Variants in PACSIN1 observed in about 807,000 individuals in gnomAD.
PACSIN1 encodes protein kinase C and casein kinase substrate in neurons 1, also known as protein kinase C and casein kinase substrate in neurons protein 1.
In PACSIN1, 15 loss-of-function variants were observed where a neutral mutation model predicts 59.5. That is an observed-to-expected ratio of 0.25 (90% CI 0.17 to 0.39). PACSIN1 has a LOEUF of 0.39. Among genes scored for constraint, PACSIN1 ranks in the 10% least tolerant of loss-of-function variants. The pLI is 1.00. For synonymous variants in PACSIN1, 210 were observed against 220.6 expected (o/e 0.95, Z 0.42); for missense variants, 420 against 580.2 (o/e 0.72, Z 2.84).
At chr6:34,520,289 G>A (rs1581981950) in intron 1 of PACSIN1, among the ~76,000 whole-genome samples, 1 of 152,218 alleles carries the variant, frequency 6.6e-6, no homozygotes, top group Non-Finnish European at 1.5e-5. Context: ...TGGGTAAGGC[G>A]AGGAGTGGGT....
In PACSIN1 at chr6:34,532,361, C is replaced by G; in HGVS notation, c.1226-60C>G. The G allele has an allele frequency of 8.8e-7, 1 of 1,133,784 alleles. No homozygotes were observed. The highest frequency in any genetic ancestry group is 1.3e-6 in the Non-Finnish European group (1 of 769,368). The allele number at this position is 1,133,784 out of a possible 1,614,324, so 70.2% of individuals were successfully genotyped here. ...GGTATTGGAGGGTTCCCCTAGCAGC[C>G]GGTGCGTTGAGGGAGGGGCAGCCTT... On this transcript the variant is annotated intron_variant, in intron 9 of 9. Coordinates refer to ENST00000244458, the MANE Select transcript of PACSIN1 (RefSeq NM_020804.5). The surrounding 1 kb of genome is among the most constrained non-coding windows in gnomAD (Gnocchi z 5.2).
rs781440436 is a variant in PACSIN1, at chr6:34,475,502, TGAACA to T, written c.-64+9234_-64+9238del. Among the ~76,000 whole-genome samples, 215 of 152,314 alleles carry T rather than the reference TGAACA, an allele frequency of 1.4e-3. 2 individuals carry two copies. Among genetic ancestry groups the T allele is most frequent in the Middle Eastern group, 0.01 (3 of 294 alleles). On this transcript the variant is annotated intron_variant, in intron 1 of 9. Transcript: ENST00000244458. The stretch of plus-strand genomic sequence containing the variant: ...GGATCCCACGGAGAGCTCTAGATTA[TGAACA>T]GCCAGTCTCCCAGGGTTACCTTCCT...
intron 1 of PACSIN1, among the ~76,000 whole-genome samples, chr6:34,491,125 C>T (rs972167982): frequency 2.0e-5 from 3 of 152,076 alleles, no homozygotes; most frequent in Non-Finnish European, 2.9e-5. Flanking sequence ...CTCATAACTG[C>T]GCCCTGGGCC....
chr6:34,475,933 T>C (rs1766633154), intron 1 of PACSIN1, among the ~76,000 whole-genome samples: 1 of 152,218 alleles, frequency 6.6e-6, no homozygotes, highest in Non-Finnish European at 1.5e-5. Context: ...AAATTCTTAC[T>C]CAGGATCCTC....
chr6:34,491,444 T>C (rs1766875335), intron 1 of PACSIN1, among the ~76,000 whole-genome samples: 1 of 152,070 alleles, frequency 6.6e-6, no homozygotes, highest in Non-Finnish European at 1.5e-5. Flanking sequence ...TGGGTCCCAG[T>C]GTTCAGAGGC....
At chr6:34,496,941 C>CTTTTTT (rs11464603) in intron 1 of PACSIN1, among the ~76,000 whole-genome samples, 12 of 100,838 alleles carry the variant, frequency 1.2e-4, no homozygotes, top group African/African-American at 2.8e-4. Context: ...CTCTCTCTCT[C>CTTTTTT]TTTTTTTTTT....
intron 1 of PACSIN1, among the ~76,000 whole-genome samples, chr6:34,481,611 AG>A (rs1157053098): frequency 6.6e-6 from 1 of 151,800 alleles, no homozygotes; most frequent in Admixed American, 6.6e-5. Context: ...TGGAGCTTGC[AG>A]TGAGCCGAGA....
rs1429722311 is a variant in PACSIN1 at position 34,514,710 on chromosome 6, G to A, written c.-63-11533G>A. Among the ~76,000 whole-genome samples, 1 of 152,218 alleles carries A rather than the reference G, an allele frequency of 6.6e-6. No individual in the cohort carries two copies. The highest frequency in any genetic ancestry group is 6.5e-5 in the Admixed American group (1 of 15,284). On this transcript the variant is annotated intron_variant, in intron 1 of 9. Transcript: ENST00000244458. This position sits in a 1 kb window ranked among gnomAD's most constrained non-coding sequence, Gnocchi z 4.4. ...TGCCCATGTTGATGCGGCGCCGTGCGGGAGGCGGGCATCCCCTGCTGTACA... is the reference window on the plus strand; with the variant it reads ...TGCCCATGTTGATGCGGCGCCGTGCAGGAGGCGGGCATCCCCTGCTGTACA...
intron 1 of PACSIN1, among the ~76,000 whole-genome samples, chr6:34,520,579 A>AGGCAACAG (rs1356769812): frequency 7.9e-5 from 12 of 152,332 alleles, no homozygotes; most frequent in African/African-American, 2.9e-4. Flanking sequence ...AGAACAGGGA[A>AGGCAACAG]GGCAACAGCC....
intron 1 of PACSIN1, among the ~76,000 whole-genome samples, chr6:34,472,083 CAA>C (rs1766578711): frequency 6.6e-6 from 1 of 151,818 alleles, no homozygotes; most frequent in South Asian, 2.1e-4. Context: ...CCAACCTGGC[CAA>C]TATGGTGAAA....
chr6:34,471,946 T>C (rs1257804461), intron 1 of PACSIN1, among the ~76,000 whole-genome samples: 1 of 152,156 alleles, frequency 6.6e-6, no homozygotes, highest in Non-Finnish European at 1.5e-5. Context: ...CTTTAGGTGC[T>C]TGGGGACACT....
chr6:34,477,597 C>T (rs138239605), intron 1 of PACSIN1, among the ~76,000 whole-genome samples: 297 of 152,220 alleles, frequency 2.0e-3, no homozygotes, highest in African/African-American at 6.5e-3. Flanking sequence ...TTTCTCTTCT[C>T]CAGATGGTTA....
rs371420755 is a variant in PACSIN1, at chr6:34,526,349, C to A, written c.44C>A (p.Thr15Asn). The change falls in exon 2 of 10, where the codon ACC becomes AAC. Residue 15 changes from threonine to asparagine, a missense_variant. Thr to Asn is a moderately conservative substitution (Grantham distance 65). Coordinates refer to ENST00000244458, the MANE Select transcript of PACSIN1 (RefSeq NM_020804.5). The part of the protein sequence containing the change: ...YDEASLAPEE[T>N]TDSFWEVGNY... The stretch of plus-strand genomic sequence containing the variant: ...GAGGCCTCACTGGCGCCAGAGGAGA[C>A]CACCGACAGCTTCTGGGAGGTGAGG... 2.9e-5 allele frequency: 47 copies of A among 1,612,288 alleles called. No homozygotes were observed. Among genetic ancestry groups the A allele is most frequent in the Non-Finnish European group, 3.8e-5 (45 of 1,179,828 alleles).
chr6:34,520,197 C>T (rs1040842020), intron 1 of PACSIN1, among the ~76,000 whole-genome samples: 4 of 152,132 alleles, frequency 2.6e-5, no homozygotes, highest in African/African-American at 7.2e-5. Context: ...AAATCCTCCC[C>T]GCTGCATTGG....
At chr6:34,528,361 C>T (rs1236503646) in intron 3 of PACSIN1, among the ~76,000 whole-genome samples, 1 of 152,212 alleles carries the variant, frequency 6.6e-6, no homozygotes, top group Non-Finnish European at 1.5e-5. Context: ...CCATGGGGCT[C>T]ACATGCTGAC....
chr6:34,508,100 T>TG (rs145011394), intron 1 of PACSIN1, among the ~76,000 whole-genome samples: 2 of 138,194 alleles, frequency 1.4e-5, no homozygotes, highest in African/African-American at 2.6e-5. Flanking sequence ...GGTAGTTCTT[T>TG]TTTTGTTTGT....
rs1017715505 is a variant in PACSIN1 at position 34,515,278 on chromosome 6, A to G, written c.-63-10965A>G. Among the ~76,000 whole-genome samples, 2 of 152,056 alleles carry G rather than the reference A, an allele frequency of 1.3e-5. No homozygotes were observed. The highest frequency in any genetic ancestry group is 2.9e-5 in the Non-Finnish European group (2 of 67,982). On this transcript the variant is annotated intron_variant, in intron 1 of 9. Transcript: ENST00000244458. The surrounding 1 kb of genome is among the most constrained non-coding windows in gnomAD (Gnocchi z 4.4). Reference sequence around the variant, plus strand: ...AACCTTGATCCTCCTCATCAGGGGGACTGTCCCTGTTGCCTTTCCTCCTCT... The same window carrying G: ...AACCTTGATCCTCCTCATCAGGGGGGCTGTCCCTGTTGCCTTTCCTCCTCT...
intron 1 of PACSIN1, among the ~76,000 whole-genome samples, chr6:34,483,464 G>A (rs1003062326): frequency 2.6e-5 from 4 of 152,024 alleles, no homozygotes; most frequent in Non-Finnish European, 4.4e-5. Context: ...GCAGGGCCAC[G>A]TAGCCGGTGG....
At chr6:34,508,270 A>G (rs901133453) in intron 1 of PACSIN1, among the ~76,000 whole-genome samples, 5 of 151,996 alleles carry the variant, frequency 3.3e-5, no homozygotes, top group Non-Finnish European at 5.9e-5. Flanking sequence ...CACCTGGCCA[A>G]TTTTTTGTAT....
Sources: allele counts gnomAD v4.1 joint callset (sites outside exome capture counted in the v4.1 genomes callset), GRCh38; gene constraint gnomAD v4.1.1; non-coding constraint Gnocchi (gnomAD v3.1); transcripts MANE v1.5; gene names NCBI Gene and HGNC (gene_info 2026-07-23, HGNC 2026-07-21).